Variants in AP3M2 observed in about 807,000 individuals in gnomAD.
The protein encoded by AP3M2 is adaptor related protein complex 3 subunit mu 2.
A neutral mutation model predicts 41.6 loss-of-function variants in AP3M2; 28 were observed. The observed-to-expected ratio is 0.67, with a 90% CI of 0.50 to 0.92. The LOEUF is 0.92. AP3M2 is among the 40% of genes least tolerant of loss of function. The pLI is 0.00. For synonymous variants in AP3M2, 193 were observed against 186.4 expected (o/e 1.04, Z -0.29); for missense variants, 427 against 521.4 (o/e 0.82, Z 1.76).
rs34420240 is a variant in AP3M2 at position 42,165,059 on chromosome 8, T to C, written c.584-12T>C. Reference sequence around the variant, plus strand: ...AGTAATCTGTGTTCTTTTTGTCTTATTCCTGTCTCAGGCTCCACAATTACT... The same window carrying C: ...AGTAATCTGTGTTCTTTTTGTCTTACTCCTGTCTCAGGCTCCACAATTACT... On this transcript the variant is annotated splice_polypyrimidine_tract_variant and intron_variant, in intron 4 of 8. Coordinates refer to ENST00000396926, the MANE Select transcript of AP3M2 (RefSeq NM_006803.4). The C allele has an allele frequency of 4.8e-4, 781 of 1,611,270 alleles. 8 individuals are homozygous for C. The East Asian group carries it at 0.016, about 34-fold the overall frequency.
Position 42,154,603 on chromosome 8 carries a change from C to T in AP3M2, c.-72-13C>T. On this transcript the variant is annotated splice_polypyrimidine_tract_variant and intron_variant, in intron 1 of 8. Coordinates refer to ENST00000396926, the MANE Select transcript of AP3M2 (RefSeq NM_006803.4). ...GGTTGAATGGAACTGAATATCGCTG[C>T]TTTTGTTTTTAGAGTTGAAAACTTA... 2.6e-6 allele frequency: 4 copies of T among 1,540,058 alleles called. No individual in the cohort carries two copies. In the South Asian group the frequency reaches 5.1e-5, roughly 20 times the overall value.
intron 4 of AP3M2, among the ~76,000 whole-genome samples, chr8:42,164,823 T>C (rs1398469687): frequency 6.6e-6 from 1 of 152,214 alleles, no homozygotes; most frequent in African/African-American, 2.4e-5. Flanking sequence ...AATCTTTTTA[T>C]CACCGTTACC....
chr8:42,161,705 A>T (rs1010806830), intron 3 of AP3M2, among the ~76,000 whole-genome samples: 4 of 152,158 alleles, frequency 2.6e-5, no homozygotes, highest in African/African-American at 9.7e-5. Flanking sequence ...TCAGTATAAA[A>T]CCTTTTAAAT....
At chr8:42,162,230 G>A in intron 3 of AP3M2, 51 bp from the exon 4 acceptor site, 3 of 1,544,578 alleles carry the variant, frequency 1.9e-6, no homozygotes, top group Non-Finnish European at 2.6e-6. Context: ...GGTGTTCTGT[G>A]GTTTCTAGAG....
chr8:42,162,523 C>G (rs1804533323), intron 4 of AP3M2, 105 bp downstream of exon 4: 13 of 1,316,056 alleles, frequency 9.9e-6, no homozygotes, highest in Non-Finnish European at 1.3e-5. Context: ...TCATCCACTT[C>G]AATTTAGTGC....
chr8:42,162,146 A>G, intron 3 of AP3M2, 135 bp from the exon 4 acceptor site: 1 of 851,832 alleles, frequency 1.2e-6, no homozygotes, highest in Non-Finnish European at 1.7e-6. Context: ...AGAAGTTGGG[A>G]AAAACCTCAT....
At chr8:42,158,856 C>T (rs1036964005) in intron 3 of AP3M2, among the ~76,000 whole-genome samples, 25 of 149,508 alleles carry the variant, frequency 1.7e-4, no homozygotes, top group Admixed American at 1.3e-3. Flanking sequence ...TGCAGTGGTG[C>T]GATCTCAACT....
intron 4 of AP3M2, 98 bp downstream of exon 4, chr8:42,162,516 T>A: frequency 5.7e-6 from 8 of 1,408,420 alleles, no homozygotes; most frequent in Non-Finnish European, 7.6e-6. Flanking sequence ...TTCAAGGTCA[T>A]CCACTTCAAT....
rs1385769402 is a variant in AP3M2 at position 42,154,672 on chromosome 8, A to C, written c.-16A>C. ...AGACTGAAAAAGGCTTTCTTCTGTC[A>C]CTGACAATCGCCACCATGATCCATA... On this transcript the variant is annotated 5_prime_UTR_variant, in exon 2 of 9. Transcript: ENST00000396926. The C allele has an allele frequency of 6.2e-7, 1 of 1,611,880 alleles. No individual in the cohort carries two copies. Among genetic ancestry groups the C allele is most frequent in the Non-Finnish European group, 8.5e-7 (1 of 1,178,778 alleles).
intron 2 of AP3M2, 120 bp downstream of exon 2, chr8:42,155,080 T>A: frequency 1.3e-6 from 1 of 792,156 alleles, no homozygotes; most frequent in Non-Finnish European, 2.0e-6. Flanking sequence ...CTGGTATTAC[T>A]CACTTCCTCT....
intron 4 of AP3M2, among the ~76,000 whole-genome samples, chr8:42,163,634 G>T (rs1182361477): frequency 6.6e-6 from 1 of 152,138 alleles, no homozygotes; most frequent in East Asian, 1.9e-4. Context: ...AAAATCAGAT[G>T]CATAAGATTA....
At chr8:42,161,309 A>G (rs1026286213) in intron 3 of AP3M2, among the ~76,000 whole-genome samples, 4 of 152,056 alleles carry the variant, frequency 2.6e-5, no homozygotes, top group African/African-American at 7.2e-5. Context: ...GGAAAACCCT[A>G]TCTCTTAAAA....
intron 1 of AP3M2, chr8:42,154,215 G>GT (rs1804293110): frequency 5.9e-6 from 1 of 168,520 alleles, no homozygotes. Context: ...CATTTCTTGT[G>GT]TATGTGTGAG....
intron 4 of AP3M2, 118 bp from the exon 5 acceptor site, chr8:42,164,953 G>A: frequency 1.3e-6 from 1 of 776,570 alleles, no homozygotes; most frequent in East Asian, 2.8e-5. Flanking sequence ...AGAGGAAGGG[G>A]AGGGAGAGAG....
chr8:42,167,636 A>G, intron 7 of AP3M2, 30 bp from the exon 8 acceptor site: 2 of 1,593,544 alleles, frequency 1.3e-6, no homozygotes, highest in African/African-American at 1.4e-5. Flanking sequence ...TTTTGGAAAG[A>G]CCACTTCTCC....
In AP3M2 at chr8:42,169,046, C is replaced by T; in HGVS notation, c.1242C>T (p.Phe414=). Residue 414 remains phenylalanine, a synonymous_variant, in exon 9 of 9, where the codon TTC becomes TTT. Coordinates refer to ENST00000396926, the MANE Select transcript of AP3M2 (RefSeq NM_006803.4). ...AATACATGACCAAAGCTGGGAAGTTCCAAGTTCGAACCTGAAGGGAGCATT... is the reference window on the plus strand; with the variant it reads ...AATACATGACCAAAGCTGGGAAGTTTCAAGTTCGAACCTGAAGGGAGCATT... ...GIKYMTKAGK[F]QVRT 3 of 1,610,546 alleles carry T rather than the reference C, an allele frequency of 1.9e-6. No individual in the cohort carries two copies. The highest frequency in any genetic ancestry group is 2.5e-6 in the Non-Finnish European group (3 of 1,178,502).
chr8:42,162,272 T>C lies in AP3M2; in HGVS notation c.446-9T>C. The C allele has an allele frequency of 6.2e-7, 1 of 1,604,708 alleles. No homozygotes were observed. The highest frequency in any genetic ancestry group is 8.5e-7 in the Non-Finnish European group (1 of 1,176,520). On this transcript the variant is annotated splice_polypyrimidine_tract_variant and intron_variant, in intron 3 of 8. Transcript: ENST00000396926. ...TGGTGTTAAAATACAGTAATATTAA[T>C]TGCCTCAGGAAGCACGAATGTGGGT...
chr8:42,155,414 A>G (rs1231614451), intron 2 of AP3M2, among the ~76,000 whole-genome samples: 2 of 152,242 alleles, frequency 1.3e-5, no homozygotes, highest in African/African-American at 4.8e-5. Flanking sequence ...ATGAACCTGT[A>G]CTAGTTCTCA....
Position 42,167,327 on chromosome 8 carries a change from C to G in AP3M2, c.967C>G (p.Leu323Val), listed in dbSNP as rs1372692108. ...QMPKGVLNMS[L>V]TPSQGTHTFD... ...GCCCAAGGGGGTCCTGAACATGAGC[C>G]TTACTCCATCACAGGGGACACACAC... The change falls in exon 7 of 9, where the codon CTT (leucine) becomes GTT (valine). Residue 323 changes from leucine (L) to valine (V), a missense_variant. Transcript: ENST00000396926. 1 of 1,614,128 alleles carries G rather than the reference C, an allele frequency of 6.2e-7. No individual in the cohort carries two copies. Among genetic ancestry groups the G allele is most frequent in the Admixed American group, 1.7e-5 (1 of 60,016 alleles).
Sources: gnomAD v4.1 joint callset for allele counts (sites outside exome capture counted in the v4.1 genomes callset) on GRCh38, gnomAD v4.1.1 for gene constraint, MANE v1.5 for transcripts, NCBI Gene and HGNC (gene_info 2026-07-23, HGNC 2026-07-21) for gene names.